The following MAPK14 variants were observed in gnomAD, a reference collection of about 807,000 sequenced individuals.
The protein encoded by MAPK14 is CSAID-binding protein.
Under a neutral mutation model 49.6 loss-of-function variants are expected in MAPK14, and 16 were observed. The ratio of observed to expected loss-of-function variants is 0.32; its 90% CI spans 0.22 to 0.49. MAPK14 has a LOEUF of 0.49. MAPK14 is among the 20% of genes least tolerant of loss of function. MAPK14 has a pLI of 0.99. For synonymous variants in MAPK14, 142 were observed against 158.0 expected, an observed-to-expected ratio of 0.90 and a Z score of 0.76; for missense variants, 200 against 441.2, an observed-to-expected ratio of 0.45 and a Z score of 4.90.
At chr6:36,118,426 G>A in the MAPK14 span, among the ~76,000 whole-genome samples, 29 of 152,148 alleles carry the variant, frequency 1.9e-4, no homozygotes, top group African/African-American at 4.8e-4. Flanking sequence ...GTACCATCTC[G>A]CTGGCACCCC....
intron 1 of MAPK14, among the ~76,000 whole-genome samples, chr6:36,040,698 A>T (rs760664680): frequency 6.6e-6 from 1 of 152,210 alleles, no homozygotes; most frequent in African/African-American, 2.4e-5. Flanking sequence ...CATGGCCCCA[A>T]CTTAGGGTGT....
chr6:36,072,751 G>A (rs1376072718), intron 3 of MAPK14, 122 bp from the exon 4 acceptor site: 4 of 558,836 alleles, frequency 7.2e-6, no homozygotes, highest in South Asian at 4.4e-5. Flanking sequence ...GCAGTAGAGC[G>A]AGACTCCATT....
In MAPK14 at chr6:36,075,925, T is replaced by A; in HGVS notation, c.573T>A (p.Pro191=). 1 of 1,614,014 alleles carries A rather than the reference T, an allele frequency of 6.2e-7. No individual in the cohort carries two copies. Among genetic ancestry groups the A allele is most frequent in the Non-Finnish European group, 8.5e-7 (1 of 1,179,918 alleles). ...GYVATRWYRA[P]EIMLNWMHYN... The stretch of plus-strand genomic sequence containing the variant: ...TGGCCACTAGGTGGTACAGGGCTCC[T>A]GAGATCATGCTGAACTGGATGCATT... The change falls in exon 7 of 12, where the codon CCT becomes CCA. Residue 191 remains proline (P), a synonymous_variant. Coordinates refer to ENST00000229794, the MANE Select transcript of MAPK14 (RefSeq NM_139012.3).
At chr6:36,031,118 G>A (rs1762525409) in intron 1 of MAPK14, among the ~76,000 whole-genome samples, 1 of 152,176 alleles carries the variant, frequency 6.6e-6, no homozygotes, top group Non-Finnish European at 1.5e-5. Flanking sequence ...GGGTTCAAGC[G>A]ATTCTCCTGC....
At chr6:36,036,928 A>G (rs1460157137) in intron 1 of MAPK14, among the ~76,000 whole-genome samples, 1 of 152,010 alleles carries the variant, frequency 6.6e-6, no homozygotes, top group African/African-American at 2.4e-5. Context: ...TTTAATAGAG[A>G]TGGGGTTTCA....
At chr6:36,102,136 G>A (rs1197047932) in intron 9 of MAPK14, among the ~76,000 whole-genome samples, 2 of 152,176 alleles carry the variant, frequency 1.3e-5, no homozygotes, top group Non-Finnish European at 2.9e-5. Flanking sequence ...GATATCCTTT[G>A]ATGTACTAAG....
intron 3 of MAPK14, among the ~76,000 whole-genome samples, chr6:36,059,784 C>G (rs1172600355): frequency 6.6e-6 from 1 of 152,148 alleles, no homozygotes; most frequent in Non-Finnish European, 1.5e-5. Context: ...TCCTGAGGAG[C>G]TGGAACTACA....
At chr6:36,066,810 G>C (rs1764080821) in intron 3 of MAPK14, among the ~76,000 whole-genome samples, 1 of 151,834 alleles carries the variant, frequency 6.6e-6, no homozygotes, top group South Asian at 2.1e-4. Context: ...GCTAATAAAT[G>C]TGATCTTTTT....
chr6:36,046,440 G>C (rs1238961937), intron 1 of MAPK14, among the ~76,000 whole-genome samples: 1 of 152,184 alleles, frequency 6.6e-6, no homozygotes, highest in Admixed American at 6.5e-5. Context: ...AGGCGTATTT[G>C]AGCTTTGCCA....
intron 5 of MAPK14, 32 bp downstream of exon 5, chr6:36,073,752 G>C: frequency 1.2e-6 from 2 of 1,601,362 alleles, no homozygotes; most frequent in Non-Finnish European, 1.7e-6. Context: ...ACATTATTTT[G>C]GGGAAGTGGG....
At chr6:36,119,997 A>G in the MAPK14 span, among the ~76,000 whole-genome samples, 4 of 152,170 alleles carry the variant, frequency 2.6e-5, no homozygotes, top group African/African-American at 7.2e-5. Context: ...GGAGGGAGAG[A>G]GGGCATGGAA....
intron 9 of MAPK14, 33 bp from the exon 10 acceptor site, chr6:36,102,538 A>G (rs1159839081): frequency 6.5e-7 from 1 of 1,544,268 alleles, no homozygotes. Context: ...ACATTATTGA[A>G]CAAAGTCATT....
At chr6:36,037,602 T>TA (rs1762802021) in intron 1 of MAPK14, among the ~76,000 whole-genome samples, 1 of 152,118 alleles carries the variant, frequency 6.6e-6, no homozygotes, top group African/African-American at 2.4e-5. Context: ...CAGGACTCAT[T>TA]ATACCTTGAG....
chr6:36,056,095 G>C (rs1763580312), intron 2 of MAPK14, among the ~76,000 whole-genome samples: 1 of 151,592 alleles, frequency 6.6e-6, no homozygotes, highest in African/African-American at 2.4e-5. Flanking sequence ...TTTTTTTTCA[G>C]GTTACTTTAT....
intron 8 of MAPK14, among the ~76,000 whole-genome samples, chr6:36,086,355 A>G (rs1764985515): frequency 6.6e-6 from 1 of 152,152 alleles, no homozygotes; most frequent in Admixed American, 6.5e-5. Context: ...CAAAAATATC[A>G]GTGACTCCCA....
chr6:36,094,008 T>C (rs1055944591), intron 8 of MAPK14, among the ~76,000 whole-genome samples: 2 of 152,236 alleles, frequency 1.3e-5, no homozygotes, highest in African/African-American at 4.8e-5. Context: ...TTTTTTTTAC[T>C]GATTTCTATT....
intron 3 of MAPK14, among the ~76,000 whole-genome samples, chr6:36,069,372 T>C (rs1313630105): frequency 1.3e-5 from 2 of 152,220 alleles, no homozygotes; most frequent in Non-Finnish European, 2.9e-5. Context: ...GTTGTAAGAC[T>C]TATTTTGAAA....
At chr6:36,092,374 C>G (rs1462690687) in intron 8 of MAPK14, 7 of 664,006 alleles carry the variant, frequency 1.1e-5, no homozygotes, top group Non-Finnish European at 2.0e-5. Flanking sequence ...GCAGGGAACT[C>G]TATGCAGTAG....
chr6:36,040,377 T>A (rs1435155463), intron 1 of MAPK14, among the ~76,000 whole-genome samples: 1 of 152,196 alleles, frequency 6.6e-6, no homozygotes, highest in African/African-American at 2.4e-5. Context: ...TATATTTGGA[T>A]TGATAACCCT....
Sources: gnomAD v4.1 joint callset for allele counts (sites outside exome capture counted in the v4.1 genomes callset) on GRCh38, gnomAD v4.1.1 for gene constraint, MANE v1.5 for transcripts, NCBI Gene and HGNC (gene_info 2026-07-23, HGNC 2026-07-21) for gene names.